Variants in ZNF114 observed in about 807,000 individuals in gnomAD.
The protein encoded by ZNF114 is zinc finger protein 114 (Y18).
ZNF114 carries 8 observed loss-of-function variants against 6.8 expected under a neutral mutation model. The observed-to-expected ratio is 1.18, with a 90% CI of 0.69 to 2.13. The LOEUF is 2.13. ZNF114 is among the 30% of genes most tolerant of loss of function. The probability of loss-of-function intolerance (pLI) is 0.00; values close to 1 mark genes in which losing one functional copy is unlikely to be tolerated. For missense variants in ZNF114, 472 were observed against 519.5 expected, an observed-to-expected ratio of 0.91 and a Z score of 0.89; for synonymous variants, 169 against 185.5, an observed-to-expected ratio of 0.91 and a Z score of 0.72.
rs140051861 is a variant in ZNF114, at chr19:48,285,446, C to T, written c.137-315C>T. Among the ~76,000 whole-genome samples the T allele has an allele frequency of 3.1e-3, 469 of 151,666 alleles. 3 individuals carry two copies. Among genetic ancestry groups the T allele is most frequent in the African/African-American group, 0.011 (439 of 41,338 alleles). ...CTGGGAGGCGGAGGTTGTAATGAGC[C>T]AAGATCATGCCACTGCACTCCAGCC... On this transcript the variant is annotated intron_variant, in intron 5 of 5. Transcript: ENST00000595607.
At chr19:48,279,449 C>G (rs954820553) in intron 3 of ZNF114, among the ~76,000 whole-genome samples, 1 of 28,512 alleles carries the variant, frequency 3.5e-5, no homozygotes, top group Non-Finnish European at 7.1e-5. Context: ...GTGTGGGGGG[C>G]GGGGGTGGGG....
chr19:48,276,787 A>T (rs576428505), intron 3 of ZNF114, among the ~76,000 whole-genome samples: 38 of 152,288 alleles, frequency 2.5e-4, no homozygotes, highest in African/African-American at 9.1e-4. Context: ...GCCTCCCAAC[A>T]TGCTGGGATT....
Position 48,282,418 on chromosome 19 carries a change from G to A in ZNF114, c.57G>A (p.Glu19=). 1 of 1,613,660 alleles carries A rather than the reference G, an allele frequency of 6.2e-7. No individual in the cohort carries two copies. Among genetic ancestry groups the A allele is most frequent in the Non-Finnish European group, 8.5e-7 (1 of 1,179,780 alleles). ...ADVAVNFTKE[E]WTLLDPAQRN... ...TGGCTGTGAACTTCACCAAAGAGGAGTGGACCCTGCTGGACCCAGCTCAGA... is the reference window on the plus strand; with the variant it reads ...TGGCTGTGAACTTCACCAAAGAGGAATGGACCCTGCTGGACCCAGCTCAGA... The change falls in exon 5 of 6, where the codon GAG becomes GAA. Residue 19 remains glutamate, a synonymous_variant. Coordinates refer to ENST00000595607, the MANE Select transcript of ZNF114 (RefSeq NM_153608.4).
chr19:48,277,931 T>A (rs371535996), intron 3 of ZNF114, among the ~76,000 whole-genome samples: 1 of 151,944 alleles, frequency 6.6e-6, no homozygotes. Flanking sequence ...TTTCATCTTA[T>A]ATTTGAAATT....
At chr19:48,281,304 C>T (rs1279165220) in intron 4 of ZNF114, among the ~76,000 whole-genome samples, 7 of 152,064 alleles carry the variant, frequency 4.6e-5, no homozygotes, top group African/African-American at 1.7e-4. Flanking sequence ...GCTGGAAGTC[C>T]GAGATCAAAA....
At chr19:48,274,345 C>G (rs1263283549) in intron 3 of ZNF114, among the ~76,000 whole-genome samples, 1 of 151,446 alleles carries the variant, frequency 6.6e-6, no homozygotes, top group African/African-American at 2.4e-5. Flanking sequence ...TTATGGCATT[C>G]TAACATTTTA....
intron 4 of ZNF114, chr19:48,281,553 G>T (rs1328097278): frequency 1.4e-5 from 2 of 145,378 alleles, no homozygotes; most frequent in African/African-American, 5.1e-5. Flanking sequence ...TTGAGACAGG[G>T]TCTTGCTCTG....
At chr19:48,279,039 G>A (rs982689012) in intron 3 of ZNF114, among the ~76,000 whole-genome samples, 1 of 152,108 alleles carries the variant, frequency 6.6e-6, no homozygotes, top group Admixed American at 6.6e-5. Context: ...TTATTTTGCG[G>A]TGATGAAAAG....
chr19:48,277,835 T>TGTGTGTGTGTGTGTGTGTGTGTG (rs1967886817), intron 3 of ZNF114, among the ~76,000 whole-genome samples: 1 of 15,052 alleles, frequency 6.6e-5, no homozygotes, highest in Admixed American at 5.5e-4. Flanking sequence ...GTGTGTGTGT[T>TGTGTGTGTGTGTGTGTGTGTGTG]CGTGACGATA....
chr19:48,274,506 ATTTTTT>A (rs869126962), intron 3 of ZNF114, among the ~76,000 whole-genome samples: 2 of 17,182 alleles, frequency 1.2e-4, no homozygotes, highest in African/African-American at 2.8e-4. Context: ...ATATATATAT[ATTTTTT>A]TTTTTTTTTT....
In ZNF114 at chr19:48,282,507, C is replaced by G. The variant is rs1968018555; in HGVS notation, c.136+10C>G. 6.2e-7 allele frequency: 1 copy of G among 1,605,978 alleles called. No homozygotes were observed. The highest frequency in any genetic ancestry group is 1.3e-5 in the African/African-American group (1 of 74,622). On this transcript the variant is annotated intron_variant, in intron 5 of 5. Coordinates refer to ENST00000595607, the MANE Select transcript of ZNF114 (RefSeq NM_153608.4). ...AACTTGGCATTCATAGGTAAGGAGG[C>G]CCCCTTCCTGCACTTAGTCCGTGAT...
chr19:48,272,862 C>A (rs1480142956), intron 3 of ZNF114, among the ~76,000 whole-genome samples: 1 of 136,382 alleles, frequency 7.3e-6, no homozygotes, highest in East Asian at 2.4e-4. Context: ...GTGGCGCGAT[C>A]TCTGCTCACT....
rs377696402 is a variant in ZNF114 at position 48,279,765 on chromosome 19, G to C, written c.-35G>C. 6 of 1,613,886 alleles carry C rather than the reference G, an allele frequency of 3.7e-6. No homozygotes were observed. The highest frequency in any genetic ancestry group is 5.1e-6 in the Non-Finnish European group (6 of 1,179,914). The stretch of plus-strand genomic sequence containing the variant: ...ACCTGCCTCCTTGAAGGAAACACGG[G>C]GAAGCCAGGACTGGCCGTCACGTTG... On this transcript the variant is annotated 5_prime_UTR_variant, in exon 4 of 6. Coordinates refer to ENST00000595607, the MANE Select transcript of ZNF114 (RefSeq NM_153608.4).
Position 48,286,125 on chromosome 19 carries a change from T to TGA in ZNF114, c.501_502insGA (p.Gln168AspfsTer29). Reference sequence around the variant, plus strand: ...AGTATAATCCTGTCTTAAACGATAGTCAAAAAACACATGAAAACAACGAAG... The same window carrying TGA: ...AGTATAATCCTGTCTTAAACGATAGTGACAAAAAACACATGAAAACAACGAAG... On this transcript the variant is annotated frameshift_variant, in exon 6 of 6. Coordinates refer to ENST00000595607, the MANE Select transcript of ZNF114 (RefSeq NM_153608.4). LOFTEE classifies it low-confidence loss of function (END_TRUNC). 6.2e-7 allele frequency: 1 copy of TGA among 1,614,106 alleles called. No individual in the cohort carries two copies.
intron 3 of ZNF114, 133 bp downstream of exon 3, chr19:48,271,961 G>C (rs560486347): frequency 2.0e-5 from 3 of 152,314 alleles, no homozygotes; most frequent in Non-Finnish European, 4.4e-5. Context: ...TGACCCACGT[G>C]TTCAGACCCC....
chr19:48,272,673 C>CAA (rs57823987), intron 3 of ZNF114, among the ~76,000 whole-genome samples: 851 of 39,210 alleles, frequency 0.022, 99 homozygotes, highest in African/African-American at 0.048. Flanking sequence ...GACTCTCTCT[C>CAA]AAAAAAAAAA....
At position 48,274,498 on chromosome 19, in the gene ZNF114, ATATATATATTTTTT is replaced by A. The variant is rs1555876168; in HGVS notation, c.-70+2672_-70+2685del. On this transcript the variant is annotated intron_variant, in intron 3 of 5. Coordinates refer to ENST00000595607, the MANE Select transcript of ZNF114 (RefSeq NM_153608.4). ...AAAAAACTTTTATATATATATATATATATATATATTTTTTTTTTTTTTTTTGAGACAGAGTTTTT... is the reference window on the plus strand; with the variant it reads ...AAAAAACTTTTATATATATATATATATTTTTTTTTTTGAGACAGAGTTTTT... 7.4e-3 allele frequency among the ~76,000 whole-genome samples: 361 copies of A among 48,692 alleles called. 3 individuals carry two copies. The highest frequency in any genetic ancestry group is 0.054 in the East Asian group (42 of 776). 31.9% of individuals were successfully genotyped at this position (48,692 alleles called of 152,430 possible).
intron 3 of ZNF114, among the ~76,000 whole-genome samples, chr19:48,272,673 CAAAAAAAA>C (rs57823987): frequency 2.5e-4 from 10 of 39,226 alleles, no homozygotes; most frequent in South Asian, 1.4e-3. Flanking sequence ...GACTCTCTCT[CAAAAAAAA>C]AAAAAAAAAA....
At chr19:48,272,133 G>A (rs559022284) in intron 3 of ZNF114, among the ~76,000 whole-genome samples, 30 of 152,274 alleles carry the variant, frequency 2.0e-4, no homozygotes, top group African/African-American at 7.0e-4. Context: ...GGAGCTGGCC[G>A]GGCGCGGTGG....
Sources: gnomAD v4.1 joint callset for allele counts (sites outside exome capture counted in the v4.1 genomes callset) on GRCh38, gnomAD v4.1.1 for gene constraint, MANE v1.5 for transcripts, NCBI Gene and HGNC (gene_info 2026-07-23, HGNC 2026-07-21) for gene names.